The following ATP10D variants were observed in gnomAD, a reference collection of about 807,000 sequenced individuals.
ATP10D encodes the protein ATPase phospholipid transporting 10D (putative).
In ATP10D, 89 loss-of-function variants were observed where a neutral mutation model predicts 144.8. The observed-to-expected ratio is 0.61, with a 90% CI of 0.52 to 0.73. ATP10D has a LOEUF of 0.73. Ranked by LOEUF, ATP10D falls within the 30% of genes least tolerant of loss-of-function variation. ATP10D has a pLI of 0.00. For missense variants in ATP10D, 1,603 were observed against 1,714.8 expected (o/e 0.93, Z 1.15); for synonymous variants, 571 against 615.1 (o/e 0.93, Z 1.06).
At chr4:47,551,781 A>G (rs1718742709) in intron 10 of ATP10D, among the ~76,000 whole-genome samples, 1 of 152,222 alleles carries the variant, frequency 6.6e-6, no homozygotes, top group South Asian at 2.1e-4. Flanking sequence ...ATCACTGACA[A>G]GAGAGCAAAA....
At chr4:47,584,833 T>C (rs999429108) in intron 21 of ATP10D, among the ~76,000 whole-genome samples, 1 of 152,236 alleles carries the variant, frequency 6.6e-6, no homozygotes, top group African/African-American at 2.4e-5. Context: ...ATTTTTCTAG[T>C]TGTTTGTACA....
chr4:47,510,644 T>C (rs1228145109), intron 1 of ATP10D, among the ~76,000 whole-genome samples: 2 of 152,204 alleles, frequency 1.3e-5, no homozygotes, highest in African/African-American at 2.4e-5. Flanking sequence ...CGTGAGGTTA[T>C]TAGTCAGACA....
chr4:47,567,911 C>T (rs1203015658), intron 15 of ATP10D, among the ~76,000 whole-genome samples: 1 of 152,216 alleles, frequency 6.6e-6, no homozygotes, highest in Non-Finnish European at 1.5e-5. Flanking sequence ...AGAGCTCTTT[C>T]ACGAATAAAC....
chr4:47,500,075 T>G (rs1715604798), intron 1 of ATP10D, among the ~76,000 whole-genome samples: 1 of 152,224 alleles, frequency 6.6e-6, no homozygotes. Flanking sequence ...TTGCTGCATA[T>G]AAGAGGGGTG....
chr4:47,571,499 C>G (rs1212883271), intron 16 of ATP10D, among the ~76,000 whole-genome samples: 1 of 152,044 alleles, frequency 6.6e-6, no homozygotes, highest in East Asian at 1.9e-4. Flanking sequence ...TGGGTTCACC[C>G]TAACAAACCA....
At chr4:47,549,221 C>T (rs13125264) in intron 10 of ATP10D, among the ~76,000 whole-genome samples, 36,184 of 152,166 alleles carry the variant, frequency 0.24, 4,304 homozygotes, top group Admixed American at 0.3. Context: ...TTATTCTACA[C>T]GAAATGCTCT....
chr4:47,562,391 A>G (rs1265054198), intron 14 of ATP10D, among the ~76,000 whole-genome samples: 1 of 152,172 alleles, frequency 6.6e-6, no homozygotes, highest in Admixed American at 6.5e-5. Context: ...ATGAACAGAC[A>G]TTTTTCTAAA....
intron 5 of ATP10D, among the ~76,000 whole-genome samples, chr4:47,526,633 T>A (rs1056643855): frequency 9.9e-5 from 15 of 152,122 alleles, no homozygotes; most frequent in African/African-American, 3.6e-4. Context: ...TCTGATGAAA[T>A]CTCCAAAAAA....
At chr4:47,528,524 T>C (rs1167327338) in intron 5 of ATP10D, among the ~76,000 whole-genome samples, 1 of 146,264 alleles carries the variant, frequency 6.8e-6, no homozygotes, top group African/African-American at 2.6e-5. Flanking sequence ...TATATATATA[T>C]ATATACACAC....
intron 21 of ATP10D, chr4:47,583,025 C>A (rs930970576): frequency 1.3e-5 from 2 of 152,222 alleles, no homozygotes; most frequent in Admixed American, 6.5e-5. Context: ...TGCCAGCAGT[C>A]TTGGCCACTT....
At chr4:47,527,241 G>A (rs1021430904) in intron 5 of ATP10D, among the ~76,000 whole-genome samples, 2 of 151,940 alleles carry the variant, frequency 1.3e-5, no homozygotes, top group Non-Finnish European at 2.9e-5. Context: ...TGCAACAATG[G>A]GGTATTTATA....
chr4:47,490,951 G>T, intron 1 of ATP10D: 2 of 521,662 alleles, frequency 3.8e-6, no homozygotes, highest in Non-Finnish European at 7.1e-6. Context: ...TCAGTCAGAA[G>T]TCTTTTATTT....
rs745570202 is a variant in ATP10D, at chr4:47,512,550, G to A, written c.10G>A (p.Ala4Thr). MTE[A>T]LQWARYHWRR... Reference sequence around the variant, plus strand: ...TTACCACAGTTTGGATATGACTGAGGCTCTCCAATGGGCCAGATATCACTG... The same window carrying A: ...TTACCACAGTTTGGATATGACTGAGACTCTCCAATGGGCCAGATATCACTG... The change falls in exon 2 of 23, where the codon GCT becomes ACT. Residue 4 changes from alanine (A) to threonine (T), a missense_variant. By Grantham distance (58) the Ala-to-Thr change is moderately conservative. Transcript: ENST00000273859. 2 of 1,612,988 alleles carry A rather than the reference G, an allele frequency of 1.2e-6. No homozygotes were observed. The highest frequency in any genetic ancestry group is 1.7e-6 in the Non-Finnish European group (2 of 1,179,148).
intron 2 of ATP10D, 21 bp from the exon 3 acceptor site, chr4:47,515,455 C>G: frequency 6.3e-7 from 1 of 1,596,854 alleles, no homozygotes; most frequent in South Asian, 1.1e-5. Flanking sequence ...TAACACCTCC[C>G]TTTGTGTGTT....
intron 5 of ATP10D, among the ~76,000 whole-genome samples, chr4:47,528,507 G>GTA (rs1560426382): frequency 9.2e-5 from 3 of 32,696 alleles, no homozygotes; most frequent in South Asian, 1.1e-3. Flanking sequence ...GTGTGTGTGT[G>GTA]TGTGTGTATA....
chr4:47,592,907 T>C lies in ATP10D; in HGVS notation c.*1526T>C, dbSNP rs1015110885. 3.3e-5 allele frequency: 5 copies of C among 152,642 alleles called. No individual in the cohort carries two copies. Among genetic ancestry groups the C allele is most frequent in the South Asian group, 2.1e-4 (1 of 4,830 alleles). 9.5% of individuals were successfully genotyped at this position (152,642 alleles called of 1,614,324 possible). On this transcript the variant is annotated 3_prime_UTR_variant, in exon 23 of 23. Coordinates refer to ENST00000273859, the MANE Select transcript of ATP10D (RefSeq NM_020453.4). ...TACTGGAAAATTGTCATCACTCTTGTAAACATTTGCCAAATCCAACTGTAA... is the reference window on the plus strand; with the variant it reads ...TACTGGAAAATTGTCATCACTCTTGCAAACATTTGCCAAATCCAACTGTAA...
chr4:47,545,558 T>C (rs1051441194), intron 9 of ATP10D, among the ~76,000 whole-genome samples: 2 of 151,666 alleles, frequency 1.3e-5, no homozygotes, highest in African/African-American at 4.8e-5. Context: ...ATTTTTTGGA[T>C]GTATGGAGGA....
intron 10 of ATP10D, among the ~76,000 whole-genome samples, chr4:47,550,332 A>C (rs1171775676): frequency 1.3e-5 from 2 of 152,194 alleles, no homozygotes; most frequent in Non-Finnish European, 2.9e-5. Context: ...AATTATATGA[A>C]AGCCGTTCAA....
At chr4:47,503,520 A>AAAGTGAAAAGTAG (rs1715830043) in intron 1 of ATP10D, among the ~76,000 whole-genome samples, 1 of 152,232 alleles carries the variant, frequency 6.6e-6, no homozygotes, top group Admixed American at 6.5e-5. Flanking sequence ...ATTAGTGGTA[A>AAAGTGAAAAGTAG]AAGTGAAAAG....
Sources: gnomAD v4.1 joint callset for allele counts (sites outside exome capture counted in the v4.1 genomes callset) on GRCh38, gnomAD v4.1.1 for gene constraint, MANE v1.5 for transcripts, NCBI Gene and HGNC (gene_info 2026-07-23, HGNC 2026-07-21) for gene names.